The following ADGRB1 variants were observed in gnomAD, a reference collection of about 807,000 sequenced individuals.
ADGRB1 encodes brain-specific angiogenesis inhibitor 1.
Under a neutral mutation model 175.7 loss-of-function variants are expected in ADGRB1, and 36 were observed. That is an observed-to-expected ratio of 0.20 (90% CI 0.16 to 0.27). The LOEUF (loss-of-function observed/expected upper bound fraction) is 0.27. Among genes scored for constraint, ADGRB1 ranks in the 10% least tolerant of loss-of-function variants. The pLI, the probability that ADGRB1 is intolerant of heterozygous loss-of-function variation, is 1.00. For synonymous variants in ADGRB1, 1,054 were observed against 979.4 expected, an observed-to-expected ratio of 1.08 and a Z score of -1.42; for missense variants, 1,731 against 2,255.3, an observed-to-expected ratio of 0.77 and a Z score of 4.71.
intron 27 of ADGRB1, among the ~76,000 whole-genome samples, chr8:142,541,423 A>C (rs1339418018): frequency 6.6e-6 from 1 of 152,120 alleles, no homozygotes; most frequent in Non-Finnish European, 1.5e-5. Flanking sequence ...TGCAGGCCCC[A>C]GGGGCAGCGA....
At chr8:142,525,288 G>A (rs1181525488) in intron 23 of ADGRB1, among the ~76,000 whole-genome samples, 1 of 152,008 alleles carries the variant, frequency 6.6e-6, no homozygotes, top group Non-Finnish European at 1.5e-5. Flanking sequence ...GGCAGGAGAG[G>A]CGTGGGGTAC....
chr8:142,521,404 T>C, intron 20 of ADGRB1, among the ~76,000 whole-genome samples: 1 of 152,190 alleles, frequency 6.6e-6, no homozygotes, highest in East Asian at 1.9e-4. Flanking sequence ...CCCTGTGGTC[T>C]CCAGCCCCAT....
chr8:142,455,451 C>T lies in ADGRB1; in HGVS notation c.-220+5347C>T, dbSNP rs1001664042. ...ACGACAGAAGTCCTCTCTGCAGCTT[C>T]GCTGTCAGGCCCCCAACCACTTGCC... On this transcript the variant is annotated intron_variant, in intron 1 of 30. Coordinates refer to ENST00000517894, the MANE Select transcript of ADGRB1 (RefSeq NM_001702.3). The surrounding 1 kb of genome is among the most constrained non-coding windows in gnomAD (Gnocchi z 4.9). 2.6e-5 allele frequency among the ~76,000 whole-genome samples: 4 copies of T among 152,144 alleles called. No homozygotes were observed. The highest frequency in any genetic ancestry group is 7.2e-5 in the African/African-American group (3 of 41,458).
intron 11 of ADGRB1, among the ~76,000 whole-genome samples, chr8:142,482,204 A>C (rs1409889879): frequency 6.8e-6 from 1 of 147,218 alleles, no homozygotes; most frequent in Non-Finnish European, 1.5e-5. Flanking sequence ...GATCCTGGTC[A>C]CACACTGAGC....
intron 9 of ADGRB1, among the ~76,000 whole-genome samples, chr8:142,480,034 C>A (rs1841245758): frequency 6.6e-6 from 1 of 152,204 alleles, no homozygotes; most frequent in Non-Finnish European, 1.5e-5. Context: ...CGCAAGATGT[C>A]CACGGAGTCT....
At chr8:142,523,831 GGCCACGGGGCCTGAGCCCCA>G (rs1844015062) in intron 22 of ADGRB1, among the ~76,000 whole-genome samples, 1 of 152,058 alleles carries the variant, frequency 6.6e-6, no homozygotes, top group South Asian at 2.1e-4. Context: ...CAGGTGCTGA[GGCCACGGGGCCTGAGCCCCA>G]GCATTCAAGC....
chr8:142,508,226 C>T (rs1842931754), intron 17 of ADGRB1, among the ~76,000 whole-genome samples: 1 of 152,174 alleles, frequency 6.6e-6, no homozygotes, highest in Non-Finnish European at 1.5e-5. Context: ...CCTTGCTGCA[C>T]AGCCACCAGC....
intron 17 of ADGRB1, among the ~76,000 whole-genome samples, chr8:142,498,771 C>T (rs1239498029): frequency 2.0e-5 from 3 of 152,202 alleles, no homozygotes; most frequent in Admixed American, 6.5e-5. Context: ...CCTGCCCACA[C>T]TACCCCTCCT....
intron 24 of ADGRB1, among the ~76,000 whole-genome samples, chr8:142,527,573 G>T (rs1221800721): frequency 2.0e-5 from 3 of 152,138 alleles, no homozygotes; most frequent in Non-Finnish European, 2.9e-5. Flanking sequence ...CTGGGTGGGA[G>T]TCGCGGTGCT....
intron 1 of ADGRB1, among the ~76,000 whole-genome samples, chr8:142,456,264 C>T (rs752257657): frequency 5.3e-5 from 8 of 152,176 alleles, no homozygotes; most frequent in African/African-American, 1.9e-4. Context: ...CCTTGCCCCT[C>T]GCACACCTGA....
At chr8:142,476,278 G>A (rs1319790316) in intron 3 of ADGRB1, among the ~76,000 whole-genome samples, 1 of 152,242 alleles carries the variant, frequency 6.6e-6, no homozygotes, top group African/African-American at 2.4e-5. Flanking sequence ...GCTGGGCTGC[G>A]GAAGGGAGGC....
chr8:142,486,309 G>A (rs1436808104), intron 13 of ADGRB1, among the ~76,000 whole-genome samples: 1 of 152,190 alleles, frequency 6.6e-6, no homozygotes, highest in Non-Finnish European at 1.5e-5. Flanking sequence ...CCTCCCGACT[G>A]TCAGAGCTGT....
rs1839781030 is a variant in ADGRB1, at chr8:142,458,122, GC to G, written c.-219-5857del. ...GGATGCCATTGGTGGCCTAGGGTGG[GC>G]GGGGAGGGGACGCAGGAGGCCTGGG... On this transcript the variant is annotated intron_variant, in intron 1 of 30. Transcript: ENST00000517894. Among the ~76,000 whole-genome samples, 12 of 152,240 alleles carry G rather than the reference GC, an allele frequency of 7.9e-5. No homozygotes were observed. In the South Asian group the frequency reaches 2.5e-3, roughly 32 times the overall value.
At chr8:142,491,245 T>C (rs1841967217) in intron 17 of ADGRB1, among the ~76,000 whole-genome samples, 1 of 152,224 alleles carries the variant, frequency 6.6e-6, no homozygotes, top group African/African-American at 2.4e-5. Context: ...GCTCATCAGA[T>C]GGGGGCGTGG....
intron 16 of ADGRB1, among the ~76,000 whole-genome samples, chr8:142,489,988 G>C (rs1473281367): frequency 6.6e-6 from 1 of 152,194 alleles, no homozygotes; most frequent in Non-Finnish European, 1.5e-5. Flanking sequence ...TTGGGCCTCA[G>C]AGGAGTAGGG....
At chr8:142,491,994 A>T (rs796496161) in intron 17 of ADGRB1, among the ~76,000 whole-genome samples, 24 of 152,108 alleles carry the variant, frequency 1.6e-4, no homozygotes, top group African/African-American at 5.5e-4. Flanking sequence ...AGAGGCAGGC[A>T]GGGGCTCAGG....
At chr8:142,502,096 G>A (rs531728844) in intron 17 of ADGRB1, among the ~76,000 whole-genome samples, 30 of 134,022 alleles carry the variant, frequency 2.2e-4, no homozygotes, top group South Asian at 1.0e-3. Flanking sequence ...TAATGGTTGC[G>A]TGATTTTGAT....
Position 142,504,132 on chromosome 8 carries a change from C to G in ADGRB1, c.2676-6800C>G, listed in dbSNP as rs373429748. 1.1e-4 allele frequency among the ~76,000 whole-genome samples: 16 copies of G among 152,342 alleles called. No individual in the cohort carries two copies. In the East Asian group the frequency reaches 2.7e-3, roughly 26 times the overall value. On this transcript the variant is annotated intron_variant, in intron 17 of 30. Coordinates refer to ENST00000517894, the MANE Select transcript of ADGRB1 (RefSeq NM_001702.3). This position sits in a 1 kb window ranked among gnomAD's most constrained non-coding sequence, Gnocchi z 5.6. Reference sequence around the variant, plus strand: ...CAGCGACCAGGATCTCCTCAGGACCCCAGGTAATTGCCCCCAGGCCCTGAG... The same window carrying G: ...CAGCGACCAGGATCTCCTCAGGACCGCAGGTAATTGCCCCCAGGCCCTGAG...
chr8:142,517,348 C>A (rs1381563643), intron 18 of ADGRB1, among the ~76,000 whole-genome samples: 1 of 152,198 alleles, frequency 6.6e-6, no homozygotes, highest in South Asian at 2.1e-4. Flanking sequence ...ATTCAGGTCA[C>A]CCCGGCACCC....
Sources: allele counts gnomAD v4.1 joint callset (sites outside exome capture counted in the v4.1 genomes callset), GRCh38; gene constraint gnomAD v4.1.1; non-coding constraint Gnocchi (gnomAD v3.1); transcripts MANE v1.5; gene names NCBI Gene and HGNC (gene_info 2026-07-23, HGNC 2026-07-21).